Variants in YBX3 observed in about 807,000 individuals in gnomAD.
YBX3 encodes the protein Y-box binding protein 3.
YBX3 carries 29 observed loss-of-function variants against 42.4 expected under a neutral mutation model. The ratio of observed to expected loss-of-function variants is 0.68; its 90% CI spans 0.51 to 0.93. YBX3 has a LOEUF of 0.93. Ranked by LOEUF, YBX3 falls within the 40% of genes least tolerant of loss-of-function variation. The pLI is 0.00. For missense variants in YBX3, 517 were observed against 527.5 expected (o/e 0.98, Z 0.19); for synonymous variants, 195 against 189.8 (o/e 1.03, Z -0.22).
chr12:10,702,089 A>C lies in YBX3; in HGVS notation c.924T>G (p.Ala308=). Residue 308 remains alanine, a synonymous_variant, in exon 8 of 10, where the codon GCT becomes GCG. Coordinates refer to ENST00000228251, the MANE Select transcript of YBX3 (RefSeq NM_003651.5). Reference sequence around the variant, plus strand: ...TGGCTTGCTGATTTTCTTTATCTTCAGCCTCTCCAACTGCTGGGGCAGGTC... The same window carrying C: ...TGGCTTGCTGATTTTCTTTATCTTCCGCCTCTCCAACTGCTGGGGCAGGTC... ...RPRPAPAVGE[A]EDKENQQATS... is the part of the protein sequence containing the mutation. The C allele has an allele frequency of 6.2e-7, 1 of 1,614,108 alleles. No individual in the cohort carries two copies. Among genetic ancestry groups the C allele is most frequent in the Non-Finnish European group, 8.5e-7 (1 of 1,180,006 alleles).
intron 6 of YBX3, among the ~76,000 whole-genome samples, chr12:10,709,437 T>C (rs1472451736): frequency 6.6e-6 from 1 of 152,248 alleles, no homozygotes; most frequent in Non-Finnish European, 1.5e-5. Context: ...ATGTTATTTA[T>C]GCTGCAGGCA....
Position 10,713,326 on chromosome 12 carries a change from T to C in YBX3, c.458A>G (p.Glu153Gly). The change falls in exon 5 of 10, where the codon GAA becomes GGA. Residue 153 changes from glutamate to glycine, a missense_variant. Coordinates refer to ENST00000228251, the MANE Select transcript of YBX3 (RefSeq NM_003651.5). Reference sequence around the variant, plus strand: ...ATCCGGGCCAGTCACATTGGCAGCTTCTGCACCCTGAGAAGAAAATAAAAA... The same window carrying C: ...ATCCGGGCCAGTCACATTGGCAGCTCCTGCACCCTGAGAAGAAAATAAAAA... The part of the protein sequence containing the change: ...FDVVEGEKGA[E>G]AANVTGPDGV... The C allele has an allele frequency of 6.2e-7, 1 of 1,610,964 alleles. No individual in the cohort carries two copies. Among genetic ancestry groups the C allele is most frequent in the Non-Finnish European group, 8.5e-7 (1 of 1,179,354 alleles).
chr12:10,709,835 G>A, intron 6 of YBX3, 73 bp downstream of exon 6: 2 of 1,556,828 alleles, frequency 1.3e-6, no homozygotes, highest in Non-Finnish European at 1.8e-6. Flanking sequence ...TGTTGGAGGA[G>A]GAGGAGGAAG....
At chr12:10,700,787 T>C (rs746481315) in intron 9 of YBX3, among the ~76,000 whole-genome samples, 8 of 152,110 alleles carry the variant, frequency 5.3e-5, no homozygotes, top group Non-Finnish European at 1.2e-4. Context: ...AATGGGTAGA[T>C]AAACCTTGGC....
Position 10,723,099 on chromosome 12 carries a change from C to T in YBX3, c.13G>A (p.Gly5Ser), listed in dbSNP as rs1948354066. ...GTGGTGGTGGTGGTGGTGGCCTCGC[C>T]CGCCTCACTCATGCCTCCTCCTCCT... MSEA[G>S]EATTTTTTTL... The change falls in exon 1 of 10, where the codon GGC becomes AGC. Residue 5 changes from glycine (G) to serine (S), a missense_variant. By Grantham distance (56) the Gly-to-Ser change is moderately conservative. Transcript: ENST00000228251. The T allele has an allele frequency of 2.5e-6, 3 of 1,206,344 alleles. No homozygotes were observed. Among genetic ancestry groups the T allele is most frequent in the Admixed American group, 4.4e-5 (1 of 22,600 alleles). The allele number at this position is 1,206,344 out of a possible 1,614,324, so 74.7% of individuals were successfully genotyped here.
At chr12:10,717,494 C>G (rs147000362) in intron 3 of YBX3, among the ~76,000 whole-genome samples, 170 of 152,236 alleles carry the variant, frequency 1.1e-3, no homozygotes, top group African/African-American at 4.0e-3. Flanking sequence ...ACTGAGGCAC[C>G]TATAGCAGAG....
chr12:10,708,719 A>T (rs1948165449), intron 6 of YBX3, among the ~76,000 whole-genome samples: 1 of 152,262 alleles, frequency 6.6e-6, no homozygotes, highest in African/African-American at 2.4e-5. Flanking sequence ...CAGCTTCTGC[A>T]TATGATGTTT....
At chr12:10,714,560 T>C (rs1408203811) in intron 4 of YBX3, among the ~76,000 whole-genome samples, 1 of 152,198 alleles carries the variant, frequency 6.6e-6, no homozygotes, top group African/African-American at 2.4e-5. Context: ...GAAGCTATCT[T>C]AGGGTCTATC....
chr12:10,713,574 G>A (rs1307065245), intron 4 of YBX3, among the ~76,000 whole-genome samples: 2 of 152,084 alleles, frequency 1.3e-5, no homozygotes, highest in African/African-American at 2.4e-5. Context: ...AATGTCAATC[G>A]CAAAAGCAAT....
At chr12:10,715,207 T>C (rs894088785) in intron 4 of YBX3, among the ~76,000 whole-genome samples, 2 of 152,180 alleles carry the variant, frequency 1.3e-5, no homozygotes, top group Non-Finnish European at 2.9e-5. Context: ...AAATAAGAAA[T>C]TAAAGTATCT....
At chr12:10,712,721 T>C (rs1948213040) in intron 5 of YBX3, 1 of 152,324 alleles carries the variant, frequency 6.6e-6, no homozygotes, top group Non-Finnish European at 1.5e-5. Context: ...GACTAGGTTC[T>C]GGCCAGAAAA....
intron 7 of YBX3, 173 bp downstream of exon 7, chr12:10,703,878 A>C (rs1379172580): frequency 3.6e-6 from 2 of 561,046 alleles, no homozygotes; most frequent in East Asian, 5.9e-5. Context: ...TAAAAATTCT[A>C]GTATTAAGTA....
chr12:10,712,132 T>TA (rs1273171916), intron 5 of YBX3: 3 of 152,194 alleles, frequency 2.0e-5, no homozygotes, highest in African/African-American at 7.2e-5. Flanking sequence ...CAGAAAGATA[T>TA]AAAGCTATCA....
chr12:10,709,981 C>G lies in YBX3; in HGVS notation c.707G>C (p.Arg236Pro), dbSNP rs1347313092. The change falls in exon 6 of 10, where the codon CGG (arginine) becomes CCG (proline). Residue 236 changes from arginine (R) to proline (P), a missense_variant. By Grantham distance (103) the Arg-to-Pro change is moderately radical (BLOSUM62 -2). This residue lies in a region of YBX3 where 420 missense variants were observed against 408.5 expected (regional missense o/e 1.03). Coordinates refer to ENST00000228251, the MANE Select transcript of YBX3 (RefSeq NM_003651.5). ...PQYRPQYRQR[R>P]FPPYHVGQTF... Reference sequence around the variant, plus strand: ...CTGTCCCACGTGGTAAGGCGGGAACCGCCGCTGCCGGTACTGAGGGCGATA... The same window carrying G: ...CTGTCCCACGTGGTAAGGCGGGAACGGCCGCTGCCGGTACTGAGGGCGATA... 1 of 1,614,064 alleles carries G rather than the reference C, an allele frequency of 6.2e-7. No individual in the cohort carries two copies. The highest frequency in any genetic ancestry group is 1.1e-5 in the South Asian group (1 of 91,084).
chr12:10,710,237 T>C (rs755480728), intron 5 of YBX3, 123 bp from the exon 6 acceptor site: 35 of 1,530,704 alleles, frequency 2.3e-5, no homozygotes, highest in East Asian at 7.3e-5. Context: ...CTTTCCATTA[T>C]ACAGACAAAA....
At position 10,713,335 on chromosome 12, in the gene YBX3, T is replaced by C; in HGVS notation, c.451-2A>G. 1 of 1,609,018 alleles carries C rather than the reference T, an allele frequency of 6.2e-7. No individual in the cohort carries two copies. Among genetic ancestry groups the C allele is most frequent in the Non-Finnish European group, 8.5e-7 (1 of 1,178,880 alleles). On this transcript the variant is annotated splice_acceptor_variant, in intron 4 of 9. Coordinates refer to ENST00000228251, the MANE Select transcript of YBX3 (RefSeq NM_003651.5). LOFTEE classifies it high-confidence loss of function. ...AGTCACATTGGCAGCTTCTGCACCC[T>C]GAGAAGAAAATAAAAAGATGGCCTC...
intron 7 of YBX3, chr12:10,703,766 C>T: frequency 2.9e-6 from 1 of 340,470 alleles, no homozygotes; most frequent in Non-Finnish European, 5.5e-6. Flanking sequence ...CACAGAATTG[C>T]CCACCAATAA....
In YBX3 at chr12:10,701,425, T is replaced by G. The variant is rs77614988; in HGVS notation, c.1054-72A>C. On this transcript the variant is annotated intron_variant, in intron 8 of 9. Transcript: ENST00000228251. ...TGGAAAGTTCAAGACTGAAAGTTCT[T>G]AAAAGTTTGAATTTTCCTGTGAAGG... is the stretch of plus-strand genomic sequence containing the variant. The G allele has an allele frequency of 7.3e-3, 5,575 of 764,824 alleles. 82 individuals carry two copies. Among genetic ancestry groups the G allele is most frequent in the East Asian group, 0.029 (1,204 of 41,134 alleles). 47.4% of individuals were successfully genotyped at this position (764,824 alleles called of 1,614,324 possible).
At chr12:10,710,362 T>A in intron 5 of YBX3, 7 of 1,405,946 alleles carry the variant, frequency 5.0e-6, no homozygotes, top group Non-Finnish European at 6.5e-6. Context: ...CAATCTACAA[T>A]CAATTTAATA....
Sources: gnomAD v4.1 joint callset for allele counts (sites outside exome capture counted in the v4.1 genomes callset) on GRCh38, gnomAD v4.1.1 for gene constraint, gnomAD v4.1.1 regional missense constraint, MANE v1.5 for transcripts, NCBI Gene and HGNC (gene_info 2026-07-23, HGNC 2026-07-21) for gene names.